PM20D2: variants seen among roughly 807,000 people sequenced by gnomAD.
PM20D2 encodes peptidase M20 domain containing 2.
Under a neutral mutation model 42.9 loss-of-function variants are expected in PM20D2, and 33 were observed. That is an observed-to-expected ratio of 0.77 (90% CI 0.58 to 1.03). The LOEUF is 1.03. Among genes scored for constraint, PM20D2 ranks in the 50% least tolerant of loss-of-function variants. The pLI, the probability that PM20D2 is intolerant of heterozygous loss-of-function variation, is 0.00. For synonymous variants in PM20D2, 250 were observed against 228.2 expected (o/e 1.10, Z -0.86); for missense variants, 548 against 557.0 (o/e 0.98, Z 0.16).
In PM20D2 at chr6:89,162,806, GC is replaced by G. The variant is rs34012152; in HGVS notation, c.*546del. 40,425 of 151,808 alleles carry G rather than the reference GC, an allele frequency of 0.27. 5,467 individuals are homozygous for G. The highest frequency in any genetic ancestry group is 0.32 in the Admixed American group (4,870 of 15,240). The allele number at this position is 151,808 out of a possible 1,614,324, so 9.4% of individuals were successfully genotyped here. The stretch of plus-strand genomic sequence containing the variant: ...TTTTAAGATAGAGCCTCGCTCTGTT[GC>G]CCAGGCTGAAGTGTAGTGGCACAAT... On this transcript the variant is annotated 3_prime_UTR_variant, in exon 7 of 7. Coordinates refer to ENST00000275072, the MANE Select transcript of PM20D2 (RefSeq NM_001010853.3).
chr6:89,157,481 G>A (rs1189554665), intron 4 of PM20D2, among the ~76,000 whole-genome samples: 1 of 152,164 alleles, frequency 6.6e-6, no homozygotes, highest in Admixed American at 6.5e-5. Context: ...TTTATATACT[G>A]AAATTAATAA....
Position 89,146,413 on chromosome 6 carries a change from A to C in PM20D2, c.269A>C (p.Glu90Ala). The change falls in exon 1 of 7, where the codon GAG becomes GCG. Residue 90 changes from glutamate to alanine, a missense_variant. Transcript: ENST00000275072. Reference protein sequence around the residue: ...HYQLPTAFRAEWEPPEARAPS... With the variant: ...HYQLPTAFRAAWEPPEARAPS... ...CAGCTGCCCACGGCCTTCCGCGCCG[A>C]GTGGGAGCCGCCGGAGGCCCGGGCA... 2.0e-6 allele frequency: 3 copies of C among 1,524,810 alleles called. No individual in the cohort carries two copies. Among genetic ancestry groups the C allele is most frequent in the Non-Finnish European group, 2.6e-6 (3 of 1,143,212 alleles). The allele number at this position is 1,524,810 out of a possible 1,614,324, so 94.5% of individuals were successfully genotyped here. A position where few individuals can be genotyped will look rare whatever the true frequency, so the allele number is the denominator to read the frequency against.
chr6:89,105,016 C>G, the PM20D2 span: 2 of 1,219,894 alleles, frequency 1.6e-6, no homozygotes, highest in Admixed American at 2.6e-5. Context: ...TGATCGCACA[C>G]TACTGCACTC....
At chr6:89,112,793 A>G in the PM20D2 span, among the ~76,000 whole-genome samples, 6 of 152,146 alleles carry the variant, frequency 3.9e-5, no homozygotes, top group Admixed American at 1.3e-4. Flanking sequence ...GTTTCAGTCA[A>G]TGATGAACCA....
intron 5 of PM20D2, among the ~76,000 whole-genome samples, chr6:89,159,108 T>C (rs1771149524): frequency 6.6e-6 from 1 of 152,198 alleles, no homozygotes; most frequent in South Asian, 2.1e-4. Context: ...CTTGAGGTGC[T>C]TATAGTATTT....
rs1337638329 is a variant in PM20D2 at position 89,154,779 on chromosome 6, T to C, written c.789T>C (p.Asn263=). ...TAAAAAATGGTGGTGTAAAACCCAA[T>C]ATCATTCCCTCTTATTCTGAATTAA... The part of the protein sequence containing the change: ...GIIKNGGVKP[N]IIPSYSELIY... The change falls in exon 4 of 7, where the codon AAT becomes AAC. Residue 263 remains asparagine, a synonymous_variant. Transcript: ENST00000275072. 1.9e-6 allele frequency: 3 copies of C among 1,574,286 alleles called. No homozygotes were observed.
chr6:89,136,083 G>A, the PM20D2 span, among the ~76,000 whole-genome samples: 70 of 151,178 alleles, frequency 4.6e-4, no homozygotes, highest in Non-Finnish European at 9.4e-4. Flanking sequence ...TGTTGCAGAC[G>A]TGACTGCAAT....
the PM20D2 span, among the ~76,000 whole-genome samples, chr6:89,099,540 T>A: frequency 7.6e-5 from 10 of 131,372 alleles, no homozygotes; most frequent in African/African-American, 3.9e-4. Context: ...ACATACATGT[T>A]TTTTTTTTTT....
chr6:89,114,217 C>G, the PM20D2 span, among the ~76,000 whole-genome samples: 1 of 152,170 alleles, frequency 6.6e-6, no homozygotes, highest in Non-Finnish European at 1.5e-5. Flanking sequence ...TACCTGACAT[C>G]AAGAGTTCGA....
the PM20D2 span, chr6:89,117,954 C>G: frequency 6.7e-7 from 1 of 1,486,974 alleles, no homozygotes; most frequent in Non-Finnish European, 9.0e-7. Flanking sequence ...CCCGCTACCG[C>G]TGCTACCACC....
At chr6:89,144,741 A>G (rs187957033), upstream of PM20D2, among the ~76,000 whole-genome samples, 138 of 152,240 alleles carry the variant, frequency 9.1e-4, no homozygotes, top group African/African-American at 3.2e-3. Flanking sequence ...TTTTTAGCCA[A>G]CTAACTGAGC....
the PM20D2 span, among the ~76,000 whole-genome samples, chr6:89,101,216 C>T: frequency 7.9e-5 from 12 of 151,634 alleles, no homozygotes; most frequent in African/African-American, 2.7e-4. Context: ...CCTAAAAGAA[C>T]ACAGCAGATG....
At chr6:89,111,112 T>TGTC in the PM20D2 span, among the ~76,000 whole-genome samples, 14 of 133,114 alleles carry the variant, frequency 1.1e-4, no homozygotes, top group African/African-American at 5.0e-4. Context: ...GACTTGTCTT[T>TGTC]TTTTTTTTTT....
Position 89,153,093 on chromosome 6 carries a change from G to C in PM20D2, c.665G>C (p.Trp222Ser), listed in dbSNP as rs766153858. Residue 222 changes from tryptophan (W) to serine (S), a missense_variant, in exon 3 of 7, where the codon TGG (tryptophan) becomes TCG (serine). Coordinates refer to ENST00000275072, the MANE Select transcript of PM20D2 (RefSeq NM_001010853.3). ...GCATCTCATTCTGCTTCTTATCCCT[G>C]GGAAGGATTAAATGCATTAGATGCT... Reference protein sequence around the residue: ...GKASHSASYPWEGLNALDAAV... With the variant: ...GKASHSASYPSEGLNALDAAV... 3.1e-6 allele frequency: 5 copies of C among 1,610,442 alleles called. No individual in the cohort carries two copies. Among genetic ancestry groups the C allele is most frequent in the Non-Finnish European group, 4.2e-6 (5 of 1,177,480 alleles).
At chr6:89,150,264 G>C (rs561576095) in intron 2 of PM20D2, among the ~76,000 whole-genome samples, 1 of 152,272 alleles carries the variant, frequency 6.6e-6, no homozygotes, top group Non-Finnish European at 1.5e-5. Context: ...CTTATCACTG[G>C]AAATTGGTAC....
At chr6:89,097,304 A>G in the PM20D2 span, 1 of 152,208 alleles carries the variant, frequency 6.6e-6, no homozygotes, top group Non-Finnish European at 1.5e-5. Flanking sequence ...CCCCTATAAT[A>G]ATCATATGCA....
the PM20D2 span, among the ~76,000 whole-genome samples, chr6:89,130,251 TTTATG>T: frequency 6.6e-6 from 1 of 151,818 alleles, no homozygotes. Context: ...GCGTGGCTAT[TTTATG>T]TTATATTTTA....
At chr6:89,112,910 T>C in the PM20D2 span, among the ~76,000 whole-genome samples, 1 of 152,166 alleles carries the variant, frequency 6.6e-6, no homozygotes, top group Non-Finnish European at 1.5e-5. Context: ...TATGTTTAGA[T>C]ACATGTAGGT....
At chr6:89,133,196 T>C in the PM20D2 span, among the ~76,000 whole-genome samples, 5 of 150,540 alleles carry the variant, frequency 3.3e-5, no homozygotes, top group African/African-American at 5.0e-5. Flanking sequence ...GCCACTGCAC[T>C]CCAACCTGGG....
Sources: allele counts gnomAD v4.1 joint callset (sites outside exome capture counted in the v4.1 genomes callset), GRCh38; gene constraint gnomAD v4.1.1; transcripts MANE v1.5; gene names NCBI Gene and HGNC (gene_info 2026-07-23, HGNC 2026-07-21).